The following RIMS2 variants were observed in gnomAD, a reference collection of about 807,000 sequenced individuals.
The protein encoded by RIMS2 is regulating synaptic membrane exocytosis protein 2.
Under a neutral mutation model 174.4 loss-of-function variants are expected in RIMS2, and 59 were observed. That is an observed-to-expected ratio of 0.34 (90% CI 0.27 to 0.42). The LOEUF is 0.42. Ranked by LOEUF, RIMS2 falls within the 10% of genes least tolerant of loss-of-function variation. The pLI, the probability that RIMS2 is intolerant of heterozygous loss-of-function variation, is 1.00. For missense variants in RIMS2, 1,620 were observed against 1,666.3 expected (o/e 0.97, Z 0.48); for synonymous variants, 606 against 572.5 (o/e 1.06, Z -0.84).
intron 4 of RIMS2, among the ~76,000 whole-genome samples, chr8:103,894,927 G>T (rs1408138476): frequency 6.6e-6 from 1 of 151,446 alleles, no homozygotes; most frequent in Non-Finnish European, 1.5e-5. Context: ...GTTATCTTGA[G>T]ATCAGTTGAT....
intron 19 of RIMS2, chr8:104,148,848 G>A (rs2098666485): frequency 6.3e-7 from 1 of 1,595,656 alleles, no homozygotes; most frequent in Admixed American, 1.7e-5. Context: ...CAGCCAAACG[G>A]GTAGGAATTT....
At chr8:103,912,082 T>C (rs1209627016) in exon 6 of RIMS2, 1 of 1,602,426 alleles carries the variant, frequency 6.2e-7, no homozygotes, top group Admixed American at 1.7e-5. Context: ...CATCTAAAGA[T>C]GGAGATCGTT....
chr8:103,570,899 C>T (rs1465232740), intron 1 of RIMS2, among the ~76,000 whole-genome samples: 1 of 151,994 alleles, frequency 6.6e-6, no homozygotes, highest in Non-Finnish European at 1.5e-5. Context: ...ACTTTTGCAC[C>T]AACCTAAGTA....
chr8:103,733,441 A>G (rs147035323), intron 2 of RIMS2, among the ~76,000 whole-genome samples: 14 of 152,072 alleles, frequency 9.2e-5, no homozygotes, highest in African/African-American at 3.4e-4. Flanking sequence ...ACTTGGTTGC[A>G]TGTTCCCAAG....
chr8:104,084,616 A>G (rs748534187), intron 19 of RIMS2, among the ~76,000 whole-genome samples: 7 of 151,892 alleles, frequency 4.6e-5, no homozygotes, highest in Non-Finnish European at 7.4e-5. Context: ...TTTATAAAGT[A>G]TTCATAGCCA....
intron 1 of RIMS2, among the ~76,000 whole-genome samples, chr8:103,662,621 A>C (rs1263349464): frequency 6.6e-6 from 1 of 152,222 alleles, no homozygotes; most frequent in Non-Finnish European, 1.5e-5. Context: ...TTCTTCAAGA[A>C]GCAAATTTCA....
chr8:103,501,141 C>A, intron 1 of RIMS2, 79 bp downstream of exon 1: 1 of 1,129,284 alleles, frequency 8.9e-7, no homozygotes, highest in East Asian at 3.0e-5. Flanking sequence ...CGCCTGCGCG[C>A]CCCAGTTCGC....
At chr8:104,171,062 C>G (rs1024939128) in intron 19 of RIMS2, among the ~76,000 whole-genome samples, 6 of 152,062 alleles carry the variant, frequency 3.9e-5, no homozygotes, top group Non-Finnish European at 8.8e-5. Flanking sequence ...TTACCTGATG[C>G]TTTTAAAATT....
At chr8:104,066,509 C>G (rs2097107541) in intron 19 of RIMS2, among the ~76,000 whole-genome samples, 1 of 152,078 alleles carries the variant, frequency 6.6e-6, no homozygotes, top group Non-Finnish European at 1.5e-5. Flanking sequence ...TAGGACCCAT[C>G]ATTTTGTAAT....
chr8:103,532,031 T>TTG (rs1563667321), intron 1 of RIMS2, among the ~76,000 whole-genome samples: 1 of 152,218 alleles, frequency 6.6e-6, no homozygotes, highest in African/African-American at 2.4e-5. Context: ...GATATAACTA[T>TTG]TGTGTACTTC....
intron 17 of RIMS2, among the ~76,000 whole-genome samples, chr8:103,993,726 TA>T (rs943304783): frequency 7.9e-5 from 12 of 151,974 alleles, no homozygotes; most frequent in African/African-American, 2.7e-4. Flanking sequence ...AGGAAAGCAT[TA>T]ACAATATTAA....
chr8:104,067,060 T>C (rs1040001238), intron 19 of RIMS2, among the ~76,000 whole-genome samples: 2 of 152,168 alleles, frequency 1.3e-5, no homozygotes, highest in Non-Finnish European at 2.9e-5. Flanking sequence ...TACCATAACT[T>C]CTAGTTATAC....
chr8:104,093,462 T>A lies in RIMS2; in HGVS notation c.3334+78847T>A. The A allele has an allele frequency of 8.2e-6, 13 of 1,588,082 alleles. No homozygotes were observed. Among genetic ancestry groups the A allele is most frequent in the Non-Finnish European group, 1.1e-5 (13 of 1,172,670 alleles). On this transcript the variant is annotated intron_variant, in intron 19 of 23. Transcript: ENST00000504942. ...CAACTTCTGCGTATTTGTCAATCTG[T>A]GTTAACAGTATCGATCAGGATGGGA...
rs185509834 is a variant in RIMS2 at position 103,697,087 on chromosome 8, A to G, written c.178A>G (p.Lys60Glu). ...TTTTCTTATCTATTTTCTCTGCAGA[A>G]AACTGCATCAGCAGTTTGAAATGTA... Residue 60 changes from lysine to glutamate, a missense_variant and splice_region_variant, in exon 2 of 24, where the codon AAA becomes GAA. Around this residue, in one of 2 missense-constraint regions of RIMS2, gnomAD observed 1,395 missense variants for 1,360.1 expected, o/e 1.03. Coordinates refer to ENST00000504942, the Ensembl canonical transcript of RIMS2. The G allele has an allele frequency of 5.0e-6, 8 of 1,610,114 alleles. No individual in the cohort carries two copies. In the East Asian group the frequency reaches 1.8e-4, roughly 36 times the overall value.
intron 1 of RIMS2, among the ~76,000 whole-genome samples, chr8:103,518,838 C>G (rs1260795888): frequency 6.6e-6 from 1 of 152,146 alleles, no homozygotes; most frequent in Non-Finnish European, 1.5e-5. Context: ...TGCATTTTCA[C>G]TGGTACTGCC....
At chr8:103,942,966 T>G (rs1267127570) in intron 14 of RIMS2, 40 bp downstream of exon 16, 8 of 1,509,894 alleles carry the variant, frequency 5.3e-6, no homozygotes, top group Non-Finnish European at 7.3e-6. Flanking sequence ...TTATTGTATT[T>G]TCCTAATCTT....
chr8:104,022,834 A>G (rs1225071940), intron 19 of RIMS2, among the ~76,000 whole-genome samples: 1 of 152,172 alleles, frequency 6.6e-6, no homozygotes, highest in African/African-American at 2.4e-5. Flanking sequence ...AATCCTCTCC[A>G]CTGCAAAATA....
chr8:103,899,628 C>G (rs558880775), intron 4 of RIMS2, among the ~76,000 whole-genome samples: 1 of 151,566 alleles, frequency 6.6e-6, no homozygotes, highest in Non-Finnish European at 1.5e-5. Flanking sequence ...AGCCCTTTGT[C>G]GTATGGGTAG....
At chr8:103,613,866 A>G (rs114271643) in intron 1 of RIMS2, among the ~76,000 whole-genome samples, 1 of 151,670 alleles carries the variant, frequency 6.6e-6, no homozygotes, top group African/African-American at 2.4e-5. Context: ...GGGCCTCATG[A>G]CTCTTTTCAG....
Sources: gnomAD v4.1 joint callset for allele counts (sites outside exome capture counted in the v4.1 genomes callset) on GRCh38, gnomAD v4.1.1 for gene constraint, gnomAD v4.1.1 regional missense constraint, MANE v1.5 for transcripts, NCBI Gene and HGNC (gene_info 2026-07-23, HGNC 2026-07-21) for gene names.